The following STAG1 variants were observed in gnomAD, a reference collection of about 807,000 sequenced individuals.
The protein encoded by STAG1 is cohesin subunit SA-1.
A neutral mutation model predicts 170.9 loss-of-function variants in STAG1; 26 were observed. The ratio of observed to expected loss-of-function variants is 0.15; its 90% CI spans 0.11 to 0.21. The LOEUF is 0.21. STAG1 is among the 10% of genes least tolerant of loss of function. STAG1 has a pLI of 1.00. For synonymous variants in STAG1, 514 were observed against 497.7 expected, an observed-to-expected ratio of 1.03 and a Z score of -0.44; for missense variants, 964 against 1,509.5, an observed-to-expected ratio of 0.64 and a Z score of 5.99.
intron 21 of STAG1, among the ~76,000 whole-genome samples, chr3:136,400,388 T>G (rs2087288623): frequency 6.6e-6 from 1 of 151,724 alleles, no homozygotes; most frequent in South Asian, 2.1e-4. Context: ...CCTGACTAAT[T>G]TTTTTGTATT....
At position 136,473,525 on chromosome 3, in the gene STAG1, T is replaced by C. The variant is rs1429463710; in HGVS notation, c.1125+14A>G. Reference sequence around the variant, plus strand: ...AGAGAAAAATTAAATAAGCTTATCATTCTTGATGCTTACCTTGAATCGGTT... The same window carrying C: ...AGAGAAAAATTAAATAAGCTTATCACTCTTGATGCTTACCTTGAATCGGTT... On this transcript the variant is annotated intron_variant, in intron 11 of 33. Coordinates refer to ENST00000383202, the MANE Select transcript of STAG1 (RefSeq NM_005862.3). 1.9e-6 allele frequency: 3 copies of C among 1,568,778 alleles called. No individual in the cohort carries two copies. The highest frequency in any genetic ancestry group is 8.7e-7 in the Non-Finnish European group (1 of 1,144,900).
At chr3:136,685,700 T>C (rs1942497108) in intron 1 of STAG1, among the ~76,000 whole-genome samples, 2 of 152,172 alleles carry the variant, frequency 1.3e-5, no homozygotes, top group South Asian at 2.1e-4. Flanking sequence ...TTATATATTG[T>C]ATGATTCCAA....
intron 7 of STAG1, among the ~76,000 whole-genome samples, chr3:136,519,287 G>C (rs906422113): frequency 1.6e-4 from 25 of 152,102 alleles, no homozygotes; most frequent in Non-Finnish European, 5.9e-5. Context: ...CTAGATTAAA[G>C]AAAAGTAGCT....
intron 31 of STAG1, among the ~76,000 whole-genome samples, chr3:136,341,106 C>T (rs531518286): frequency 9.1e-4 from 138 of 152,268 alleles, no homozygotes; most frequent in Non-Finnish European, 1.5e-3. Context: ...GACGGGGTTT[C>T]ACGATGTTGG....
Position 136,501,530 on chromosome 3 carries a change from G to A in STAG1, c.828+1098C>T, listed in dbSNP as rs199705090. Among the ~76,000 whole-genome samples the A allele has an allele frequency of 5.3e-5, 8 of 152,262 alleles. No homozygotes were observed. The East Asian group carries it at 1.5e-3, about 29-fold the overall frequency. On this transcript the variant is annotated intron_variant, in intron 8 of 33. Coordinates refer to ENST00000383202, the MANE Select transcript of STAG1 (RefSeq NM_005862.3). The stretch of plus-strand genomic sequence containing the variant: ...TTGGAATTATGCTGCCACCAGCCAA[G>A]CAACTACCAGACACTAGGAGAGAAG...
At chr3:136,546,099 G>A (rs187683376) in intron 5 of STAG1, among the ~76,000 whole-genome samples, 124 of 152,150 alleles carry the variant, frequency 8.1e-4, no homozygotes, top group Non-Finnish European at 1.3e-3. Flanking sequence ...ATAGCCCAGG[G>A]CCAAAAGCAA....
chr3:136,390,101 G>C (rs989289146), intron 22 of STAG1, among the ~76,000 whole-genome samples: 1 of 152,060 alleles, frequency 6.6e-6, no homozygotes, highest in Non-Finnish European at 1.5e-5. Flanking sequence ...AAATTGCTGG[G>C]ATTAGAGGTG....
chr3:136,532,434 T>C (rs1318768276), intron 6 of STAG1, among the ~76,000 whole-genome samples: 1 of 152,148 alleles, frequency 6.6e-6, no homozygotes, highest in Non-Finnish European at 1.5e-5. Flanking sequence ...TTTTTTGGAA[T>C]AGTTTGAGGA....
intron 7 of STAG1, among the ~76,000 whole-genome samples, chr3:136,510,443 C>T (rs1384292128): frequency 2.6e-5 from 4 of 151,844 alleles, no homozygotes; most frequent in Non-Finnish European, 4.4e-5. Flanking sequence ...GCGCCCACCA[C>T]CAGCCCAGCT....
intron 1 of STAG1, among the ~76,000 whole-genome samples, chr3:136,683,266 C>T (rs1032967039): frequency 1.1e-5 from 1 of 88,428 alleles, no homozygotes; most frequent in Non-Finnish European, 2.2e-5. Context: ...TATTTCAACA[C>T]AATTTTTTTT....
At chr3:136,464,846 A>G in intron 13 of STAG1, 35 bp downstream of exon 13, 1 of 1,543,364 alleles carries the variant, frequency 6.5e-7, no homozygotes, top group East Asian at 2.3e-5. Context: ...ACAACATAGA[A>G]AAGTAGAACC....
At chr3:136,464,228 G>A (rs968531562) in intron 13 of STAG1, among the ~76,000 whole-genome samples, 6 of 151,664 alleles carry the variant, frequency 4.0e-5, no homozygotes, top group African/African-American at 1.2e-4. Flanking sequence ...GTTCGACACC[G>A]GCCTGACCAA....
chr3:136,632,602 C>T, intron 1 of STAG1, among the ~76,000 whole-genome samples: 1 of 151,978 alleles, frequency 6.6e-6, no homozygotes, highest in East Asian at 1.9e-4. Context: ...ACAAGACAAG[C>T]AGCAATATGT....
At chr3:136,534,388 C>T (rs893766516) in intron 6 of STAG1, among the ~76,000 whole-genome samples, 5 of 149,786 alleles carry the variant, frequency 3.3e-5, no homozygotes, top group African/African-American at 1.3e-4. Context: ...ACAACAAAAA[C>T]AAACAAATAA....
At chr3:136,679,525 G>A (rs536262341) in intron 1 of STAG1, among the ~76,000 whole-genome samples, 58 of 152,074 alleles carry the variant, frequency 3.8e-4, no homozygotes, top group African/African-American at 1.3e-3. Context: ...TCAGGAGATC[G>A]AGACCATCCT....
At chr3:136,491,821 T>C (rs2090130288) in intron 9 of STAG1, among the ~76,000 whole-genome samples, 2 of 152,080 alleles carry the variant, frequency 1.3e-5, no homozygotes, top group South Asian at 4.1e-4. Context: ...GGTGAAACCC[T>C]GTCTCTATTA....
At chr3:136,440,892 G>A (rs1293718945) in intron 15 of STAG1, among the ~76,000 whole-genome samples, 2 of 152,090 alleles carry the variant, frequency 1.3e-5, no homozygotes, top group African/African-American at 2.4e-5. Flanking sequence ...GGGAGGCTGA[G>A]GTCGGAGGAT....
chr3:136,650,956 G>C (rs1294011909), intron 1 of STAG1, among the ~76,000 whole-genome samples: 3 of 151,922 alleles, frequency 2.0e-5, no homozygotes, highest in Non-Finnish European at 4.4e-5. Context: ...CAGCACTGGG[G>C]AGAAAAGCAC....
rs912253544 is a variant in STAG1 at position 136,365,197 on chromosome 3, C to A, written c.2686-1730G>T. On this transcript the variant is annotated intron_variant, in intron 25 of 33. Transcript: ENST00000383202. The stretch of plus-strand genomic sequence containing the variant: ...ATTGTTAAAGGATTACCAGGAAAAA[C>A]CAGAATTCAACATATTTCATGCCCT... 3.3e-5 allele frequency among the ~76,000 whole-genome samples: 5 copies of A among 152,088 alleles called. 1 individual carries two copies. The highest frequency in any genetic ancestry group is 1.2e-4 in the African/African-American group (5 of 41,422).
Sources: allele counts gnomAD v4.1 joint callset (sites outside exome capture counted in the v4.1 genomes callset), GRCh38; gene constraint gnomAD v4.1.1; transcripts MANE v1.5; gene names NCBI Gene and HGNC (gene_info 2026-07-23, HGNC 2026-07-21).